The following GRIA3 variants were observed in gnomAD, a reference collection of about 807,000 sequenced individuals.
GRIA3 encodes glutamate ionotropic receptor AMPA type subunit 3.
Under a neutral mutation model 63.0 loss-of-function variants are expected in GRIA3, and 3 were observed. That is an observed-to-expected ratio of 0.05 (90% confidence interval 0.02 to 0.12). GRIA3 has a LOEUF of 0.12. GRIA3 is among the 10% of genes least tolerant of loss of function. GRIA3 has a pLI of 1.00. For missense variants in GRIA3, 347 were observed against 700.9 expected (o/e 0.50, Z 5.70); for synonymous variants, 274 against 257.9 (o/e 1.06, Z -0.60).
At position 123,294,729 on chromosome X, in the gene GRIA3, T is replaced by G. The variant is rs141899002; in HGVS notation, c.509-31297T>G. ...CACCCTGGAAACCACCATACCAAGA[T>G]TCACAAAGCTAGCATCAACTGAGCA... On this transcript the variant is annotated intron_variant, in intron 3 of 15. Coordinates refer to ENST00000620443, the MANE Select transcript of GRIA3 (RefSeq NM_007325.5). Among the ~76,000 whole-genome samples, 597 of 110,796 alleles carry G rather than the reference T, an allele frequency of 5.4e-3. 3 individuals carry two copies. The highest frequency in any genetic ancestry group is 0.018 in the African/African-American group (554 of 30,536).
chrX:123,319,816 G>GA (rs35660016), intron 3 of GRIA3, among the ~76,000 whole-genome samples: 22,592 of 70,097 alleles, frequency 0.32, 3,255 homozygotes, highest in Non-Finnish European at 0.44. Context: ...AACACCTCAG[G>GA]AAAAAAAAAA....
chrX:123,451,138 T>C (rs2045727823), intron 12 of GRIA3, among the ~76,000 whole-genome samples: 1 of 111,099 alleles, frequency 9.0e-6, no homozygotes, highest in South Asian at 3.8e-4. Context: ...ATCTAATCTA[T>C]GTGTAAAAGG....
At chrX:123,277,140 A>G (rs1459968717) in intron 3 of GRIA3, among the ~76,000 whole-genome samples, 2 of 109,735 alleles carry the variant, frequency 1.8e-5, no homozygotes, top group Admixed American at 9.8e-5. Flanking sequence ...TTGTGAGTAC[A>G]TTGTAGGTGT....
At chrX:123,383,638 T>C (rs1222006274) in intron 5 of GRIA3, among the ~76,000 whole-genome samples, 1 of 112,143 alleles carries the variant, frequency 8.9e-6, no homozygotes, top group African/African-American at 3.2e-5. Context: ...GGCCAAATAG[T>C]TGTCCATTGT....
At chrX:123,391,895 C>T (rs1446205451) in intron 5 of GRIA3, among the ~76,000 whole-genome samples, 1 of 112,111 alleles carries the variant, frequency 8.9e-6, no homozygotes, top group Non-Finnish European at 1.9e-5. Flanking sequence ...CTCAGGTTCC[C>T]AGGAGGAGTG....
chrX:123,221,625 C>T (rs377266965), intron 2 of GRIA3, among the ~76,000 whole-genome samples: 11 of 111,623 alleles, frequency 9.9e-5, no homozygotes, highest in African/African-American at 3.6e-4. Flanking sequence ...TCCTTACAAC[C>T]TTGGCCAAAG....
chrX:123,189,412 G>A (rs948543819), intron 2 of GRIA3, among the ~76,000 whole-genome samples: 4 of 112,318 alleles, frequency 3.6e-5, no homozygotes, highest in Admixed American at 9.4e-5. Context: ...GTGTCCCATC[G>A]TGTGGCTTTG....
At chrX:123,256,282 T>C (rs896856399) in intron 3 of GRIA3, among the ~76,000 whole-genome samples, 1 of 111,961 alleles carries the variant, frequency 8.9e-6, no homozygotes, top group Admixed American at 9.5e-5. Context: ...ATATGGTTCC[T>C]GCTTTATAAA....
intron 12 of GRIA3, among the ~76,000 whole-genome samples, chrX:123,428,471 T>C (rs1323572536): frequency 8.9e-6 from 1 of 111,813 alleles, no homozygotes; most frequent in East Asian, 2.8e-4. Flanking sequence ...ATGAGGGGAT[T>C]GAACTAAATA....
intron 3 of GRIA3, among the ~76,000 whole-genome samples, chrX:123,294,602 A>C (rs1257106225): frequency 9.0e-6 from 1 of 110,768 alleles, no homozygotes; most frequent in Non-Finnish European, 1.9e-5. Flanking sequence ...TATGTCCCCA[A>C]AAGAGACTCC....
At chrX:123,438,354 C>A (rs2045656111) in intron 12 of GRIA3, among the ~76,000 whole-genome samples, 1 of 112,221 alleles carries the variant, frequency 8.9e-6, no homozygotes, top group Non-Finnish European at 1.9e-5. Flanking sequence ...TATGTATATG[C>A]CACATTTTGC....
At chrX:123,427,289 A>T (rs1484953255) in intron 11 of GRIA3, among the ~76,000 whole-genome samples, 3 of 111,445 alleles carry the variant, frequency 2.7e-5, no homozygotes, top group Admixed American at 9.6e-5. Context: ...GTGGTTTTCA[A>T]CCTTGGTTGC....
intron 2 of GRIA3, among the ~76,000 whole-genome samples, chrX:123,207,004 T>C (rs1285337588): frequency 1.8e-5 from 2 of 111,764 alleles, no homozygotes; most frequent in African/African-American, 6.5e-5. Context: ...ACAGTATTCA[T>C]TTCTGTTGCT....
chrX:123,275,118 GATAATAACAATA>G (rs1424830636), intron 3 of GRIA3, among the ~76,000 whole-genome samples: 1 of 110,990 alleles, frequency 9.0e-6, no homozygotes, highest in Non-Finnish European at 1.9e-5. Context: ...CAATAACAAG[GATAATAACAATA>G]ATAATAACAA....
intron 2 of GRIA3, among the ~76,000 whole-genome samples, chrX:123,195,635 A>G (rs1215787390): frequency 9.0e-6 from 1 of 111,656 alleles, no homozygotes; most frequent in Non-Finnish European, 1.9e-5. Flanking sequence ...ACTATGGGAC[A>G]AACAAAATGC....
At chrX:123,315,971 T>G (rs1199946927) in intron 3 of GRIA3, among the ~76,000 whole-genome samples, 2 of 103,723 alleles carry the variant, frequency 1.9e-5, no homozygotes, top group African/African-American at 7.1e-5. Flanking sequence ...AGCCCAAGAG[T>G]TTCAGACCAG....
At chrX:123,186,458 C>G (rs1284770245) in intron 2 of GRIA3, among the ~76,000 whole-genome samples, 1 of 111,970 alleles carries the variant, frequency 8.9e-6, no homozygotes, top group Non-Finnish European at 1.9e-5. Context: ...TAGGAACGAG[C>G]TGAATTTGAC....
At chrX:123,351,218 G>C (rs760390084) in intron 4 of GRIA3, among the ~76,000 whole-genome samples, 1 of 111,432 alleles carries the variant, frequency 9.0e-6, no homozygotes, top group African/African-American at 3.3e-5. Context: ...AAAGATTTAG[G>C]GTGAGCTGAA....
chrX:123,450,899 T>A lies in GRIA3; in HGVS notation c.2077-13966T>A, dbSNP rs139846720. On this transcript the variant is annotated intron_variant, in intron 12 of 15. Coordinates refer to ENST00000620443, the MANE Select transcript of GRIA3 (RefSeq NM_007325.5). Reference sequence around the variant, plus strand: ...CAGGCCATGAAAGTATGAGGTGGAGTTGCGTGGAGAGAAAAGCATTCCAGA... The same window carrying A: ...CAGGCCATGAAAGTATGAGGTGGAGATGCGTGGAGAGAAAAGCATTCCAGA... Among the ~76,000 whole-genome samples, 580 of 110,609 alleles carry A rather than the reference T, an allele frequency of 5.2e-3. 5 individuals are homozygous for A. The highest frequency in any genetic ancestry group is 0.017 in the African/African-American group (523 of 30,337).
Sources: allele counts gnomAD v4.1 joint callset (sites outside exome capture counted in the v4.1 genomes callset), GRCh38; gene constraint gnomAD v4.1.1; transcripts MANE v1.5; gene names NCBI Gene and HGNC (gene_info 2026-07-23, HGNC 2026-07-21).